The following MYOM3 variants were observed in gnomAD, a reference collection of about 807,000 sequenced individuals.
MYOM3 encodes myomesin 3.
In MYOM3, 155 loss-of-function variants were observed where a neutral mutation model predicts 191.7. The observed-to-expected ratio is 0.81, with a 90% CI of 0.71 to 0.92. MYOM3 has a LOEUF of 0.92. Among genes scored for constraint, MYOM3 ranks in the 40% least tolerant of loss-of-function variants. The probability of loss-of-function intolerance (pLI) is 0.00; values close to 1 mark genes in which losing one functional copy is unlikely to be tolerated. For missense variants in MYOM3, 1,889 were observed against 1,890.6 expected, an observed-to-expected ratio of 1.00 and a Z score of 0.02; for synonymous variants, 757 against 762.9, an observed-to-expected ratio of 0.99 and a Z score of 0.13.
At chr1:24,089,204 C>T (rs1228795085) in intron 14 of MYOM3, among the ~76,000 whole-genome samples, 3 of 152,148 alleles carry the variant, frequency 2.0e-5, no homozygotes, top group African/African-American at 7.2e-5. Context: ...AAGTGCTTGG[C>T]CCCAATGTGT....
intron 5 of MYOM3, among the ~76,000 whole-genome samples, chr1:24,104,328 T>C (rs993220868): frequency 2.0e-5 from 3 of 152,248 alleles, no homozygotes; most frequent in African/African-American, 7.2e-5. Flanking sequence ...GAAGCCTTCC[T>C]GGATTCTATG....
At chr1:24,106,640 T>C (rs1379722765) in intron 4 of MYOM3, among the ~76,000 whole-genome samples, 1 of 152,202 alleles carries the variant, frequency 6.6e-6, no homozygotes, top group African/African-American at 2.4e-5. Flanking sequence ...TGGAGTGCAG[T>C]AGTGTGATCT....
At position 24,082,027 on chromosome 1, in the gene MYOM3, G is replaced by A; in HGVS notation, c.2254C>T (p.Gln752Ter). ...EELDWHAVNQ[Q>*]PIPTRVCKVS... is the part of the protein sequence containing the mutation. Reference sequence around the variant, plus strand: ...TTGCAGACCCGGGTGGGGATGGGCTGCTGATTGACCGCATGCCAGTCCAGC... The same window carrying A: ...TTGCAGACCCGGGTGGGGATGGGCTACTGATTGACCGCATGCCAGTCCAGC... The change falls in exon 18 of 37, where the codon CAG (glutamine) becomes TAG (stop). Residue 752 changes from glutamine to a stop codon, truncating the protein, a stop_gained. Coordinates refer to ENST00000374434, the MANE Select transcript of MYOM3 (RefSeq NM_152372.4). LOFTEE classifies it high-confidence loss of function. 6.2e-7 allele frequency: 1 copy of A among 1,611,672 alleles called. No individual in the cohort carries two copies. Among genetic ancestry groups the A allele is most frequent in the Non-Finnish European group, 8.5e-7 (1 of 1,179,690 alleles).
rs796658060 is a variant in MYOM3 at position 24,091,738 on chromosome 1, C to A, written c.1232+436G>T. 3.3e-4 allele frequency among the ~76,000 whole-genome samples: 51 copies of A among 152,334 alleles called. 1 individual carries two copies. Among genetic ancestry groups the A allele is most frequent in the African/African-American group, 1.2e-3 (49 of 41,560 alleles). On this transcript the variant is annotated intron_variant, in intron 11 of 36. Transcript: ENST00000374434. Reference sequence around the variant, plus strand: ...TCCGTGGCAGCATTAGCTATTTTCTCAAGCTGGGCCTTCAGAGCCGGCCAC... The same window carrying A: ...TCCGTGGCAGCATTAGCTATTTTCTAAAGCTGGGCCTTCAGAGCCGGCCAC...
At chr1:24,074,345 G>T in intron 22 of MYOM3, 76 bp from the exon 23 acceptor site, 1 of 1,140,278 alleles carries the variant, frequency 8.8e-7, no homozygotes, top group Non-Finnish European at 1.3e-6. Flanking sequence ...GAGCCAGGGA[G>T]TCCAGGTTGC....
chr1:24,085,125 G>GATGGATGA (rs1200893991), intron 15 of MYOM3, among the ~76,000 whole-genome samples: 1,670 of 151,982 alleles, frequency 0.011, 25 homozygotes, highest in African/African-American at 0.039. Flanking sequence ...TGGATGGATG[G>GATGGATGA]ATGGATGGAT....
rs199883915 is a variant in MYOM3, at chr1:24,107,077, C to T, written c.398G>A (p.Arg133Gln). 1.8e-4 allele frequency: 297 copies of T among 1,606,566 alleles called. No individual in the cohort carries two copies. The highest frequency in any genetic ancestry group is 7.2e-4 in the Admixed American group (43 of 59,426). Residue 133 changes from arginine (R) to glutamine (Q), a missense_variant, in exon 4 of 37, where the codon CGG becomes CAG. By Grantham distance (43) the Arg-to-Gln change is conservative. Coordinates refer to ENST00000374434, the MANE Select transcript of MYOM3 (RefSeq NM_152372.4). ...RQRRDWKTLR[R>Q]RTEEKVQEAK... Reference sequence around the variant, plus strand: ...CTCCACGGCCCACCCCCTTACCCGCCGCCTCAGCGTCTTCCAGTCCCGCCT... The same window carrying T: ...CTCCACGGCCCACCCCCTTACCCGCTGCCTCAGCGTCTTCCAGTCCCGCCT...
intron 23 of MYOM3, among the ~76,000 whole-genome samples, chr1:24,072,254 C>T (rs867666046): frequency 6.6e-6 from 1 of 152,182 alleles, no homozygotes. Flanking sequence ...GTCCTCTCCC[C>T]GTCCTTCAAG....
rs1419884664 is a variant in MYOM3 at position 24,087,025 on chromosome 1, C to T, written c.1615-198G>A. On this transcript the variant is annotated intron_variant, in intron 14 of 36. Transcript: ENST00000374434. The surrounding 1 kb of genome is among the most constrained non-coding windows in gnomAD (Gnocchi z 4.5). ...CGGATTCCTACCGAGACCTCACGTC[C>T]AGCCTGTCCACAACGCGGCTCCAGA... is the stretch of plus-strand genomic sequence containing the variant. 2.0e-5 allele frequency among the ~76,000 whole-genome samples: 3 copies of T among 152,172 alleles called. No homozygotes were observed. Among genetic ancestry groups the T allele is most frequent in the Non-Finnish European group, 4.4e-5 (3 of 68,034 alleles).
chr1:24,063,074 G>T lies in MYOM3; in HGVS notation c.3770+52C>A. On this transcript the variant is annotated intron_variant, in intron 32 of 36. Transcript: ENST00000374434. This position sits in a 1 kb window ranked among gnomAD's most constrained non-coding sequence, Gnocchi z 4.5. Reference sequence around the variant, plus strand: ...AAGGGAGGGAGGCCCCCATGGGTCAGGTGCTGAATCCTTTCCAGCCTGGCT... The same window carrying T: ...AAGGGAGGGAGGCCCCCATGGGTCATGTGCTGAATCCTTTCCAGCCTGGCT... The T allele has an allele frequency of 7.8e-7, 1 of 1,276,508 alleles. No homozygotes were observed. The highest frequency in any genetic ancestry group is 1.1e-6 in the Non-Finnish European group (1 of 875,344). 79.1% of individuals were successfully genotyped at this position (1,276,508 alleles called of 1,614,324 possible). A position where few individuals can be genotyped will look rare whatever the true frequency, so the allele number is the denominator to read the frequency against.
chr1:24,097,459 A>C (rs962228840), intron 7 of MYOM3, among the ~76,000 whole-genome samples: 2 of 152,214 alleles, frequency 1.3e-5, no homozygotes, highest in Admixed American at 6.5e-5. Flanking sequence ...ACCTGCCTGC[A>C]GAAAAGGGGC....
intron 26 of MYOM3, 51 bp downstream of exon 26, chr1:24,068,172 G>C (rs1224991348): frequency 1.9e-6 from 3 of 1,572,982 alleles, no homozygotes; most frequent in Non-Finnish European, 2.6e-6. Flanking sequence ...GGCCAGGTGT[G>C]CGGGGCAGGG....
At chr1:24,095,042 C>A (rs777698332) in intron 8 of MYOM3, 52 bp from the exon 9 acceptor site, 1 of 1,584,444 alleles carries the variant, frequency 6.3e-7, no homozygotes. Flanking sequence ...GCCAGCCTGG[C>A]CTGGGACTTA....
Position 24,063,308 on chromosome 1 carries a change from G to T in MYOM3, c.3662-74C>A. On this transcript the variant is annotated intron_variant, in intron 31 of 36. Transcript: ENST00000374434. This position sits in a 1 kb window ranked among gnomAD's most constrained non-coding sequence, Gnocchi z 4.5. Reference sequence around the variant, plus strand: ...ATCAGATTTTGGGGCCGGCTTGTCTGCCTCTGCCCTGGGGGGCAGGTGCTG... The same window carrying T: ...ATCAGATTTTGGGGCCGGCTTGTCTTCCTCTGCCCTGGGGGGCAGGTGCTG... 1 of 1,428,370 alleles carries T rather than the reference G, an allele frequency of 7.0e-7. No individual in the cohort carries two copies. Among genetic ancestry groups the T allele is most frequent in the Non-Finnish European group, 9.9e-7 (1 of 1,013,726 alleles). The allele number at this position is 1,428,370 out of a possible 1,614,324, so 88.5% of individuals were successfully genotyped here.
At chr1:24,066,996 G>A (rs1246035922) in intron 28 of MYOM3, 25 bp downstream of exon 28, 11 of 1,553,742 alleles carry the variant, frequency 7.1e-6, no homozygotes, top group Non-Finnish European at 9.6e-6. Flanking sequence ...CACTGGGCCT[G>A]GGGGCAGGGC....
intron 5 of MYOM3, 47 bp downstream of exon 5, chr1:24,105,873 C>T (rs758883747): frequency 2.9e-5 from 45 of 1,544,666 alleles, no homozygotes; most frequent in Non-Finnish European, 3.8e-5. Flanking sequence ...GAGGAACTCA[C>T]TTGTGACCCC....
chr1:24,084,913 T>C (rs1643717404), intron 15 of MYOM3, among the ~76,000 whole-genome samples: 2 of 152,188 alleles, frequency 1.3e-5, no homozygotes, highest in African/African-American at 4.8e-5. Context: ...ACACTCTCTC[T>C]CACTCAAAAG....
At chr1:24,095,649 T>G (rs1570881838) in intron 7 of MYOM3, among the ~76,000 whole-genome samples, 163 bp from the exon 8 acceptor site, 1 of 152,180 alleles carries the variant, frequency 6.6e-6, no homozygotes, top group African/African-American at 2.4e-5. Context: ...CTCAGTTTCT[T>G]CAGCAGTAAA....
rs1024945805 is a variant in MYOM3, at chr1:24,090,993, G to A, written c.1236C>T (p.Cys412=). 1.9e-6 allele frequency: 3 copies of A among 1,613,300 alleles called. No individual in the cohort carries two copies. Among genetic ancestry groups the A allele is most frequent in the African/African-American group, 2.7e-5 (2 of 74,442 alleles). The change falls in exon 12 of 37, where the codon TGC becomes TGT. Residue 412 remains cysteine (C), a synonymous_variant. Transcript: ENST00000374434. ...NPITAYTIER[C]QGESGEWIAC... ...CGATCCATTCCCCAGACTCGCCCTG[G>A]CACCTGTTGGAGACAGGCCCCCCCT...
Sources: allele counts gnomAD v4.1 joint callset (sites outside exome capture counted in the v4.1 genomes callset), GRCh38; gene constraint gnomAD v4.1.1; non-coding constraint Gnocchi (gnomAD v3.1); transcripts MANE v1.5; gene names NCBI Gene and HGNC (gene_info 2026-07-23, HGNC 2026-07-21).